PRKN: variants seen among roughly 807,000 people sequenced by gnomAD.
PRKN encodes the protein parkin RBR E3 ubiquitin protein ligase.
A neutral mutation model predicts 59.5 loss-of-function variants in PRKN; 56 were observed. That is an observed-to-expected ratio of 0.94 (90% CI 0.76 to 1.18). PRKN has a LOEUF of 1.18. Among genes scored for constraint, PRKN ranks in the 50% most tolerant of loss-of-function variants. The pLI is 0.00. For synonymous variants in PRKN, 250 were observed against 222.1 expected, an observed-to-expected ratio of 1.13 and a Z score of -1.12; for missense variants, 657 against 596.4, an observed-to-expected ratio of 1.10 and a Z score of -1.06.
intron 7 of PRKN, among the ~76,000 whole-genome samples, chr6:161,648,485 T>C (rs1784038817): frequency 6.6e-6 from 1 of 152,202 alleles, no homozygotes; most frequent in Non-Finnish European, 1.5e-5. Flanking sequence ...CTGTGGACTT[T>C]CCTGCAACTG....
In PRKN at chr6:161,409,766, C is replaced by T. The variant is rs1201506356; in HGVS notation, c.1084-22889G>A. 6.6e-6 allele frequency among the ~76,000 whole-genome samples: 1 copy of T among 152,186 alleles called. No individual in the cohort carries two copies. Among genetic ancestry groups the T allele is most frequent in the African/African-American group, 2.4e-5 (1 of 41,446 alleles). Reference sequence around the variant, plus strand: ...CTGTTAGATGACAACCCCTTCAGCACCGGCCTGAAGAAAGCGCAGGCCCAG... The same window carrying T: ...CTGTTAGATGACAACCCCTTCAGCATCGGCCTGAAGAAAGCGCAGGCCCAG... On this transcript the variant is annotated intron_variant, in intron 9 of 11. Transcript: ENST00000366898. The surrounding 1 kb of genome is among the most constrained non-coding windows in gnomAD (Gnocchi z 4.6).
At chr6:161,472,494 T>C (rs1202660919) in intron 9 of PRKN, among the ~76,000 whole-genome samples, 1 of 152,188 alleles carries the variant, frequency 6.6e-6, no homozygotes. Context: ...GCTTGTATCA[T>C]ACACAAAAAT....
chr6:162,124,656 T>C (rs1287450941), intron 4 of PRKN, among the ~76,000 whole-genome samples: 1 of 152,000 alleles, frequency 6.6e-6, no homozygotes, highest in Non-Finnish European at 1.5e-5. Context: ...AAGATGAACA[T>C]TTTCACAAGC....
intron 7 of PRKN, among the ~76,000 whole-genome samples, chr6:161,607,399 C>T (rs2128145329): frequency 6.6e-6 from 1 of 152,042 alleles, no homozygotes; most frequent in South Asian, 2.1e-4. Flanking sequence ...AAACAGAAAA[C>T]AATTTAGGGA....
chr6:162,197,283 C>T (rs1046666957), intron 4 of PRKN, among the ~76,000 whole-genome samples: 9 of 152,048 alleles, frequency 5.9e-5, no homozygotes, highest in East Asian at 3.9e-4. Context: ...TGTGACTGGT[C>T]GGCTGATCCA....
At chr6:162,208,718 C>T (rs1049617901) in intron 3 of PRKN, among the ~76,000 whole-genome samples, 6 of 152,164 alleles carry the variant, frequency 3.9e-5, no homozygotes, top group African/African-American at 1.4e-4. Flanking sequence ...TAAGGTGGTG[C>T]CAGGAAAGTC....
At chr6:162,270,639 C>T (rs1351419747) in intron 2 of PRKN, 1 of 152,116 alleles carries the variant, frequency 6.6e-6, no homozygotes, top group Non-Finnish European at 1.5e-5. Flanking sequence ...AAAAGGAATA[C>T]AATCAGCCAA....
At chr6:162,526,467 T>C (rs1285843790) in intron 1 of PRKN, among the ~76,000 whole-genome samples, 4 of 151,646 alleles carry the variant, frequency 2.6e-5, no homozygotes, top group African/African-American at 7.3e-5. Flanking sequence ...CTGGCCAACA[T>C]AGTAAAAACC....
At chr6:161,830,713 G>A (rs141709624) in intron 6 of PRKN, among the ~76,000 whole-genome samples, 100 of 152,122 alleles carry the variant, frequency 6.6e-4, no homozygotes, top group East Asian at 3.7e-3. Flanking sequence ...ATTGTGAAAC[G>A]GCTACATCAA....
At chr6:161,610,326 T>C (rs552100457) in intron 7 of PRKN, among the ~76,000 whole-genome samples, 45 of 152,202 alleles carry the variant, frequency 3.0e-4, no homozygotes, top group African/African-American at 9.6e-4. Context: ...GGGAGTTATC[T>C]TTTGTAAGGT....
intron 3 of PRKN, among the ~76,000 whole-genome samples, chr6:162,247,352 G>T (rs1779243934): frequency 6.6e-6 from 1 of 152,098 alleles, no homozygotes; most frequent in South Asian, 2.1e-4. Context: ...AAAGCAAAGT[G>T]TTGTTTTGTA....
At chr6:161,745,773 C>G (rs1788389025) in intron 7 of PRKN, among the ~76,000 whole-genome samples, 2 of 152,228 alleles carry the variant, frequency 1.3e-5, no homozygotes, top group Admixed American at 6.5e-5. Flanking sequence ...TCTGATGTCT[C>G]TAACAGCCCG....
At position 161,363,182 on chromosome 6, in the gene PRKN, C is replaced by A. The variant is rs1785047977; in HGVS notation, c.1168-2977G>T. On this transcript the variant is annotated intron_variant, in intron 10 of 11. Coordinates refer to ENST00000366898, the MANE Select transcript of PRKN (RefSeq NM_004562.3). This position sits in a 1 kb window ranked among gnomAD's most constrained non-coding sequence, Gnocchi z 4.1. ...ACCTGAACCTGGGGGGCAGAGGTTG[C>A]AGTGAGCCGAGATTTTGCCACTGCA... 6.6e-6 allele frequency among the ~76,000 whole-genome samples: 1 copy of A among 152,138 alleles called. No individual in the cohort carries two copies. The highest frequency in any genetic ancestry group is 1.5e-5 in the Non-Finnish European group (1 of 68,024).
At chr6:161,988,008 A>C (rs570040579) in intron 5 of PRKN, among the ~76,000 whole-genome samples, 1 of 152,246 alleles carries the variant, frequency 6.6e-6, no homozygotes, top group African/African-American at 2.4e-5. Flanking sequence ...GCCCAGGCTT[A>C]TCATTATAGA....
intron 5 of PRKN, among the ~76,000 whole-genome samples, chr6:161,979,711 A>G (rs1393460424): frequency 6.6e-6 from 1 of 152,108 alleles, no homozygotes; most frequent in African/African-American, 2.4e-5. Context: ...CTTTCATCAT[A>G]ACTCACTTGC....
chr6:161,882,230 G>T (rs2128229830), intron 6 of PRKN, among the ~76,000 whole-genome samples: 1 of 152,176 alleles, frequency 6.6e-6, no homozygotes, highest in Non-Finnish European at 1.5e-5. Context: ...CTTCCTTTTT[G>T]TTTGTACTTT....
intron 3 of PRKN, among the ~76,000 whole-genome samples, chr6:162,253,581 C>T (rs1451269192): frequency 6.6e-6 from 1 of 151,994 alleles, no homozygotes; most frequent in Non-Finnish European, 1.5e-5. Context: ...AAAGGAAATC[C>T]TAAACGCTCA....
rs1328934364 is a variant in PRKN, at chr6:161,683,811, CACAGAAGGATTGATGTGG to C, written c.871+101943_871+101960del. Among the ~76,000 whole-genome samples, 6 of 152,190 alleles carry C rather than the reference CACAGAAGGATTGATGTGG, an allele frequency of 3.9e-5. No homozygotes were observed. In the East Asian group the frequency reaches 9.7e-4, roughly 25 times the overall value. On this transcript the variant is annotated intron_variant, in intron 7 of 11. Coordinates refer to ENST00000366898, the MANE Select transcript of PRKN (RefSeq NM_004562.3). ...CATTATAAGACAGGGATAGCAGTGG[CACAGAAGGATTGATGTGG>C]ACAAAGAGCCACAGCAAAAACACCA...
Position 161,485,566 on chromosome 6 carries a change from A to G in PRKN, c.1083+63288T>C, listed in dbSNP as rs370025091. ...CCCAAACCACTCTAATTTATATAGG[A>G]GGGGGTCAAAGTTTAGAGGAATACG... On this transcript the variant is annotated intron_variant, in intron 9 of 11. Transcript: ENST00000366898. 1.4e-4 allele frequency among the ~76,000 whole-genome samples: 22 copies of G among 152,142 alleles called. No homozygotes were observed. In the East Asian group the frequency reaches 1.5e-3, roughly 11 times the overall value.
Sources: allele counts gnomAD v4.1 joint callset (sites outside exome capture counted in the v4.1 genomes callset), GRCh38; gene constraint gnomAD v4.1.1; non-coding constraint Gnocchi (gnomAD v3.1); transcripts MANE v1.5; gene names NCBI Gene and HGNC (gene_info 2026-07-23, HGNC 2026-07-21).